The following SYNE1 variants were observed in gnomAD, a reference collection of about 807,000 sequenced individuals.
The protein encoded by SYNE1 is nesprin-1.
SYNE1 carries 616 observed loss-of-function variants against 1,111.0 expected under a neutral mutation model. The observed-to-expected ratio is 0.55, with a 90% CI of 0.52 to 0.59. The LOEUF is 0.59. Ranked by LOEUF, SYNE1 falls within the 20% of genes least tolerant of loss-of-function variation. The pLI is 0.00. For missense variants in SYNE1, 10,006 were observed against 10,417.0 expected, an observed-to-expected ratio of 0.96 and a Z score of 1.72; for synonymous variants, 3,855 against 3,825.8, an observed-to-expected ratio of 1.01 and a Z score of -0.28.
At chr6:152,327,689 TAATC>T (rs892470953) in intron 78 of SYNE1, among the ~76,000 whole-genome samples, 5 of 152,174 alleles carry the variant, frequency 3.3e-5, no homozygotes, top group Non-Finnish European at 5.9e-5. Context: ...TGGACCAAGA[TAATC>T]AATAAGACAA....
chr6:152,194,270 G>C (rs912517589), intron 127 of SYNE1, among the ~76,000 whole-genome samples: 1 of 152,060 alleles, frequency 6.6e-6, no homozygotes, highest in Non-Finnish European at 1.5e-5. Flanking sequence ...CGTTTTCACT[G>C]GTTATACTAT....
intron 135 of SYNE1, among the ~76,000 whole-genome samples, chr6:152,150,819 A>C (rs528605848): frequency 2.8e-4 from 43 of 152,354 alleles, no homozygotes; most frequent in African/African-American, 9.1e-4. Context: ...ACTATGAGGA[A>C]TGAAATCCCG....
chr6:152,275,943 C>T (rs766834402), intron 98 of SYNE1, among the ~76,000 whole-genome samples: 1 of 149,728 alleles, frequency 6.7e-6, no homozygotes, highest in African/African-American at 2.5e-5. Flanking sequence ...TCCCTCAAAA[C>T]TCTTCATTTT....
At chr6:152,278,316 C>G in intron 97 of SYNE1, 36 bp from the exon 98 acceptor site, 2 of 1,608,222 alleles carry the variant, frequency 1.2e-6, no homozygotes, top group Non-Finnish European at 1.7e-6. Flanking sequence ...ACTCACACAT[C>G]TCCCCAGCCT....
At position 152,291,208 on chromosome 6, in the gene SYNE1, G is replaced by A. The variant is rs1189067; in HGVS notation, c.18012+2380C>T. ...ATATTAATATGATATATTAATATAT[G>A]CAATTATATTAATATGATATATTAA... On this transcript the variant is annotated intron_variant, in intron 95 of 145. Transcript: ENST00000367255. Among the ~76,000 whole-genome samples the A allele has an allele frequency of 2.4e-3, 230 of 96,430 alleles. 2 individuals are homozygous for A. The highest frequency in any genetic ancestry group is 3.4e-3 in the South Asian group (11 of 3,202). 63.3% of individuals were successfully genotyped at this position (96,430 alleles called of 152,430 possible). A position where few individuals can be genotyped will look rare whatever the true frequency, so the allele number is the denominator to read the frequency against.
chr6:152,496,022 T>A (rs978483232), intron 11 of SYNE1, among the ~76,000 whole-genome samples: 8 of 152,198 alleles, frequency 5.3e-5, no homozygotes, highest in African/African-American at 1.7e-4. Context: ...ATTTTTTCAC[T>A]TTGCATTTCC....
chr6:152,188,365 C>G (rs889201795), intron 128 of SYNE1, among the ~76,000 whole-genome samples: 6 of 152,138 alleles, frequency 3.9e-5, no homozygotes, highest in African/African-American at 1.4e-4. Flanking sequence ...CTTCTCGCTG[C>G]CTTTCCACCA....
chr6:152,579,295 G>A (rs76590272), intron 3 of SYNE1, among the ~76,000 whole-genome samples: 2,981 of 152,208 alleles, frequency 0.02, 98 homozygotes, highest in African/African-American at 0.068. Context: ...AGTCTTAAAG[G>A]CAAAAAGTTC....
chr6:152,441,337 G>A (rs993105917), intron 31 of SYNE1, 67 bp from the exon 32 acceptor site: 33 of 1,520,894 alleles, frequency 2.2e-5, no homozygotes, highest in Non-Finnish European at 2.8e-5. Context: ...ATTTTCATTC[G>A]TTTGCAAAAC....
At chr6:152,582,436 TGA>T (rs952123642) in intron 3 of SYNE1, among the ~76,000 whole-genome samples, 1 of 152,110 alleles carries the variant, frequency 6.6e-6, no homozygotes, top group Non-Finnish European at 1.5e-5. Context: ...TGTGTGTGCA[TGA>T]GTGTGTACAC....
chr6:152,376,590 G>A, intron 57 of SYNE1, 32 bp from the exon 58 acceptor site: 1 of 1,610,682 alleles, frequency 6.2e-7, no homozygotes, highest in Non-Finnish European at 8.5e-7. Flanking sequence ...TTAATGGCAG[G>A]AAAAAGCGAT....
At chr6:152,369,369 C>T in intron 60 of SYNE1, 102 bp downstream of exon 60, 2 of 1,551,636 alleles carry the variant, frequency 1.3e-6, no homozygotes, top group Admixed American at 1.7e-5. Context: ...TGTCTCACGG[C>T]AGCACAGTCT....
At chr6:152,153,202 C>T (rs531430658) in intron 133 of SYNE1, among the ~76,000 whole-genome samples, 66 of 152,262 alleles carry the variant, frequency 4.3e-4, no homozygotes, top group African/African-American at 1.6e-3. Flanking sequence ...CCTAGGAAAT[C>T]CTAGCTTCCA....
At chr6:152,334,353 A>T in intron 76 of SYNE1, 80 bp from the exon 77 acceptor site, 1 of 1,468,382 alleles carries the variant, frequency 6.8e-7, no homozygotes, top group Non-Finnish European at 9.3e-7. Flanking sequence ...CAGACATAAG[A>T]CCTTTAAACA....
At chr6:152,503,704 C>T (rs2099042524) in intron 9 of SYNE1, among the ~76,000 whole-genome samples, 1 of 152,060 alleles carries the variant, frequency 6.6e-6, no homozygotes, top group Non-Finnish European at 1.5e-5. Flanking sequence ...AGTGCTGCAA[C>T]TCACACTATT....
rs113360357 is a variant in SYNE1 at position 152,506,803 on chromosome 6, C to T, written c.582-1406G>A. ...TGTTGGCCAGGCTGGTCTCAAATTC[C>T]TGGCCTCAAGTGATCCACCTGCCTC... On this transcript the variant is annotated intron_variant, in intron 8 of 145. Coordinates refer to ENST00000367255, the MANE Select transcript of SYNE1 (RefSeq NM_182961.4). Among the ~76,000 whole-genome samples the T allele has an allele frequency of 9.2e-4, 140 of 152,218 alleles. 1 individual carries two copies. Among genetic ancestry groups the T allele is most frequent in the African/African-American group, 3.2e-3 (132 of 41,526 alleles).
chr6:152,420,763 A>G (rs745809168), intron 39 of SYNE1, among the ~76,000 whole-genome samples: 1 of 150,068 alleles, frequency 6.7e-6, no homozygotes, highest in Non-Finnish European at 1.5e-5. Context: ...TGTTTGAAAC[A>G]TTGCTGATTC....
At chr6:152,631,969 C>T (rs1247552894) in intron 2 of SYNE1, among the ~76,000 whole-genome samples, 1 of 152,128 alleles carries the variant, frequency 6.6e-6, no homozygotes, top group Non-Finnish European at 1.5e-5. Context: ...AATGGAAATA[C>T]CTAGCCCAGG....
At chr6:152,411,022 A>C (rs2154172534) in intron 42 of SYNE1, among the ~76,000 whole-genome samples, 1 of 152,344 alleles carries the variant, frequency 6.6e-6, no homozygotes, top group Middle Eastern at 3.4e-3. Flanking sequence ...GATTCAATTT[A>C]AAATGCCTAC....
Sources: gnomAD v4.1 joint callset for allele counts (sites outside exome capture counted in the v4.1 genomes callset) on GRCh38, gnomAD v4.1.1 for gene constraint, MANE v1.5 for transcripts, NCBI Gene and HGNC (gene_info 2026-07-23, HGNC 2026-07-21) for gene names.